KANK1: variants seen among roughly 807,000 people sequenced by gnomAD.
KANK1 encodes the protein KN motif and ankyrin repeat domain-containing protein 1.
Under a neutral mutation model 106.2 loss-of-function variants are expected in KANK1, and 109 were observed. That is an observed-to-expected ratio of 1.03 (90% confidence interval 0.88 to 1.20). The LOEUF (loss-of-function observed/expected upper bound fraction) is 1.20. Ranked by LOEUF, KANK1 falls within the 50% of genes most tolerant of loss-of-function variation. KANK1 has a pLI of 0.00. For synonymous variants in KANK1, 873 were observed against 652.2 expected (o/e 1.34, Z -5.16); for missense variants, 2,399 against 1,710.7 (o/e 1.40, Z -7.10).
intron 2 of KANK1, among the ~76,000 whole-genome samples, chr9:702,679 G>T (rs1251875182): frequency 6.6e-6 from 1 of 152,126 alleles, no homozygotes; most frequent in Non-Finnish European, 1.5e-5. Flanking sequence ...CCCTACGTCA[G>T]TCTCACGCAC....
chr9:712,013 A>G lies in KANK1; in HGVS notation c.1247A>G (p.His416Arg). The change falls in exon 3 of 12, where the codon CAC (histidine) becomes CGC (arginine). Residue 416 changes from histidine to arginine, a missense_variant. Coordinates refer to ENST00000382297, the MANE Select transcript of KANK1 (RefSeq NM_015158.5). ...AACATGAACGACATCGTCGTGTACC[A>G]CAGAGGCTCCAGGTCCTGTAAGGAT... ...EENMNDIVVY[H>R]RGSRSCKDAA... 2.5e-6 allele frequency: 4 copies of G among 1,614,114 alleles called. No homozygotes were observed. Among genetic ancestry groups the G allele is most frequent in the African/African-American group, 2.7e-5 (2 of 75,012 alleles).
At chr9:741,819 G>A (rs1205430115) in intron 9 of KANK1, among the ~76,000 whole-genome samples, 3 of 151,364 alleles carry the variant, frequency 2.0e-5, no homozygotes, top group East Asian at 1.9e-4. Flanking sequence ...TGGGGTTTCA[G>A]TGTTGCCCAA....
chr9:606,900 A>G (rs7875686), intron 1 of KANK1, among the ~76,000 whole-genome samples: 8,689 of 151,780 alleles, frequency 0.057, 369 homozygotes, highest in African/African-American at 0.086. Flanking sequence ...CAGAAGGTTT[A>G]GAATGAGATA....
intron 1 of KANK1, among the ~76,000 whole-genome samples, chr9:566,702 AGTT>A (rs1735858945): frequency 6.6e-6 from 1 of 151,602 alleles, no homozygotes; most frequent in Non-Finnish European, 1.5e-5. Context: ...TTTTTAATGG[AGTT>A]GTTTTTTTCT....
intron 1 of KANK1, among the ~76,000 whole-genome samples, chr9:667,000 ATT>A (rs34529109): frequency 2.9e-4 from 40 of 138,024 alleles, no homozygotes; most frequent in African/African-American, 7.4e-4. Context: ...TTCCTCTTCA[ATT>A]TTTTTTTTTT....
Position 738,345 on chromosome 9 carries a change from A to AT in KANK1, c.3396dup (p.Pro1133SerfsTer12), listed in dbSNP as rs1193947971. ...CCGCGTGTCCAGTCAGAAGTCAGCC[A>AT]TTCCAGCCATGGTGGGGGACTACAT... On this transcript the variant is annotated frameshift_variant, in exon 8 of 12. Transcript: ENST00000382297. LOFTEE classifies it high-confidence loss of function. The AT allele has an allele frequency of 1.2e-6, 2 of 1,614,028 alleles. No individual in the cohort carries two copies. Among genetic ancestry groups the AT allele is most frequent in the South Asian group, 1.1e-5 (1 of 91,068 alleles).
intron 7 of KANK1, 47 bp downstream of exon 7, chr9:734,882 G>C (rs750059274): frequency 7.2e-7 from 1 of 1,395,682 alleles, no homozygotes; most frequent in African/African-American, 1.4e-5. Context: ...CAAAGTGCAT[G>C]AGTGGGTTCA....
At chr9:571,023 ACTC>A (rs1819013985) in intron 1 of KANK1, among the ~76,000 whole-genome samples, 1 of 152,158 alleles carries the variant, frequency 6.6e-6, no homozygotes, top group Non-Finnish European at 1.5e-5. Flanking sequence ...TTAAAAAACT[ACTC>A]TAAAGATCCT....
intron 1 of KANK1, among the ~76,000 whole-genome samples, chr9:591,816 G>A (rs12349212): frequency 0.072 from 10,966 of 151,448 alleles, 1,044 homozygotes; most frequent in East Asian, 0.24. Flanking sequence ...CCACTACGAC[G>A]CCCAGCTAAT....
intron 1 of KANK1, among the ~76,000 whole-genome samples, chr9:585,665 A>G (rs752742610): frequency 3.8e-4 from 58 of 152,230 alleles, no homozygotes; most frequent in Non-Finnish European, 1.5e-4. Flanking sequence ...AGAGTAGACA[A>G]TAATGTTAAG....
chr9:730,337 T>C lies in KANK1; in HGVS notation c.2896+89T>C, dbSNP rs143168929. On this transcript the variant is annotated intron_variant, in intron 4 of 11. Transcript: ENST00000382297. ...ATTTAATGTCAATGTACCTTTTAAA[T>C]TGACCTGGAAGAAAGTTAATATCGT... The C allele has an allele frequency of 1.3e-3, 1,692 of 1,302,806 alleles. 25 individuals carry two copies. The African/African-American group carries it at 0.022, about 17-fold the overall frequency. The allele number at this position is 1,302,806 out of a possible 1,614,324, so 80.7% of individuals were successfully genotyped here. A position where few individuals can be genotyped will look rare whatever the true frequency, so the allele number is the denominator to read the frequency against.
intron 1 of KANK1, among the ~76,000 whole-genome samples, chr9:552,542 C>G (rs190032041): frequency 6.6e-6 from 1 of 152,086 alleles, no homozygotes; most frequent in African/African-American, 2.4e-5. Context: ...TTTAATATGA[C>G]GTTATTAGCT....
chr9:677,292 A>C (rs773542101), intron 2 of KANK1, among the ~76,000 whole-genome samples: 4 of 152,226 alleles, frequency 2.6e-5, no homozygotes, highest in Non-Finnish European at 5.9e-5. Flanking sequence ...ATGCAAATGT[A>C]ATGTATACTC....
upstream of KANK1, among the ~76,000 whole-genome samples, chr9:501,009 G>A (rs1238401655): frequency 6.6e-6 from 1 of 152,138 alleles, no homozygotes; most frequent in Non-Finnish European, 1.5e-5. Flanking sequence ...TATACTGAGA[G>A]TGGGACAGCC....
chr9:523,965 G>C (rs1304832533), intron 1 of KANK1, among the ~76,000 whole-genome samples: 1 of 151,746 alleles, frequency 6.6e-6, no homozygotes, highest in African/African-American at 2.4e-5. Context: ...GGTACATCAA[G>C]CTCCTAGAAC....
chr9:667,626 AT>A (rs1322531788), intron 1 of KANK1, among the ~76,000 whole-genome samples: 1 of 149,314 alleles, frequency 6.7e-6, no homozygotes, highest in East Asian at 2.0e-4. Flanking sequence ...TTGTGTTTCT[AT>A]TTTTATTTGT....
At chr9:659,684 G>A (rs1842883217) in intron 1 of KANK1, among the ~76,000 whole-genome samples, 1 of 151,986 alleles carries the variant, frequency 6.6e-6, no homozygotes, top group African/African-American at 2.4e-5. Flanking sequence ...GTCCTATGTG[G>A]TGGGAGCAGG....
At chr9:713,596 T>C (rs1826828758) in intron 3 of KANK1, 132 bp downstream of exon 3, 1 of 960,750 alleles carries the variant, frequency 1.0e-6, no homozygotes, top group South Asian at 2.0e-5. Flanking sequence ...AGTGGTAATC[T>C]GTAGAATGAA....
At position 745,799 on chromosome 9, in the gene KANK1, C is replaced by T. The variant is rs184568828; in HGVS notation, c.*564C>T. The stretch of plus-strand genomic sequence containing the variant: ...TTAACTAGGTAGATGTAATATATGA[C>T]TTTTTATAAAAAGGGTATCTATATG... On this transcript the variant is annotated 3_prime_UTR_variant, in exon 12 of 12. Transcript: ENST00000382297. The T allele has an allele frequency of 1.8e-4, 28 of 152,756 alleles. No homozygotes were observed. Among genetic ancestry groups the T allele is most frequent in the African/African-American group, 4.6e-4 (19 of 41,568 alleles). 9.5% of individuals were successfully genotyped at this position (152,756 alleles called of 1,614,324 possible).
Sources: allele counts gnomAD v4.1 joint callset (sites outside exome capture counted in the v4.1 genomes callset), GRCh38; gene constraint gnomAD v4.1.1; transcripts MANE v1.5; gene names NCBI Gene and HGNC (gene_info 2026-07-23, HGNC 2026-07-21).